The following MGAT4C variants were observed in gnomAD, a reference collection of about 807,000 sequenced individuals.
MGAT4C encodes MGAT4 family member C.
In MGAT4C, 19 loss-of-function variants were observed where a neutral mutation model predicts 40.1. That is an observed-to-expected ratio of 0.47 (90% confidence interval 0.33 to 0.70). The LOEUF (loss-of-function observed/expected upper bound fraction) is 0.70. MGAT4C is among the 30% of genes least tolerant of loss of function. The probability of loss-of-function intolerance (pLI) is 0.02; values close to 1 mark genes in which losing one functional copy is unlikely to be tolerated. For synonymous variants in MGAT4C, 181 were observed against 187.1 expected (o/e 0.97, Z 0.27); for missense variants, 491 against 563.2 (o/e 0.87, Z 1.30).
upstream of MGAT4C, among the ~76,000 whole-genome samples, chr12:86,261,268 A>T (rs1000414914): frequency 3.3e-5 from 5 of 152,130 alleles, no homozygotes; most frequent in East Asian, 9.6e-4. Context: ...ACTTCTATTC[A>T]TTCAATAGAC....
chr12:86,173,685 T>C lies in MGAT4C; in HGVS notation c.-57+82554A>G, dbSNP rs889397705. 4.6e-5 allele frequency among the ~76,000 whole-genome samples: 7 copies of C among 152,242 alleles called. No individual in the cohort carries two copies. In the South Asian group the frequency reaches 6.2e-4, roughly 14 times the overall value. ...GTTATTCATTTGATAGGGAAATATA[T>C]AGTTTAACAAAATTTTACATAAATG... On this transcript the variant is annotated intron_variant, in intron 1 of 4. Coordinates refer to ENST00000611864, the MANE Select transcript of MGAT4C (RefSeq NM_001351288.2).
chr12:86,603,274 T>C (rs1961854055), intron 2 of MGAT4C, among the ~76,000 whole-genome samples: 1 of 142,362 alleles, frequency 7.0e-6, no homozygotes, highest in South Asian at 2.1e-4. Flanking sequence ...TATAATATAA[T>C]TATAATTAAT....
rs528595373 is a variant in MGAT4C at position 86,590,103 on chromosome 12, C to A, written c.-229+137106G>T. Among the ~76,000 whole-genome samples the A allele has an allele frequency of 1.1e-3, 169 of 151,682 alleles. 1 individual carries two copies. Among genetic ancestry groups the A allele is most frequent in the African/African-American group, 3.9e-3 (161 of 41,410 alleles). ...AGGAGTACAGCTGTGTGAATTAAAA[C>A]AAAACAAAACAAAACAAAACAGTAA... On this transcript the variant is annotated intron_variant, in intron 2 of 7. Transcript: ENST00000548651.
At chr12:85,997,791 G>T (rs1187272236) in intron 2 of MGAT4C, among the ~76,000 whole-genome samples, 1 of 152,214 alleles carries the variant, frequency 6.6e-6, no homozygotes, top group Non-Finnish European at 1.5e-5. Context: ...CCTTCAGGCT[G>T]CCTTCATGGG....
intron 2 of MGAT4C, among the ~76,000 whole-genome samples, chr12:86,499,321 AAT>A (rs895440424): frequency 6.6e-6 from 1 of 151,526 alleles, no homozygotes; most frequent in African/African-American, 2.4e-5. Context: ...TTATATATAC[AAT>A]ATATATACAT....
intron 3 of MGAT4C, among the ~76,000 whole-genome samples, chr12:85,987,160 G>T (rs983428325): frequency 1.0e-5 from 1 of 97,640 alleles, no homozygotes; most frequent in African/African-American, 4.1e-5. Context: ...TTTTTGAGAC[G>T]GAGTCTCGCT....
chr12:86,682,608 C>G (rs1723700814), intron 2 of MGAT4C, among the ~76,000 whole-genome samples: 1 of 152,038 alleles, frequency 6.6e-6, no homozygotes, highest in South Asian at 2.1e-4. Flanking sequence ...GAAGCCCAAA[C>G]TAGGGAAAAA....
In MGAT4C at chr12:86,277,758, CT is replaced by C. The variant is rs1431146320; in HGVS notation, c.-57+56306del. 2.6e-5 allele frequency among the ~76,000 whole-genome samples: 4 copies of C among 151,936 alleles called. No homozygotes were observed. In the East Asian group the frequency reaches 7.7e-4, roughly 29 times the overall value. On this transcript the variant is annotated intron_variant, in intron 4 of 7. Transcript: ENST00000548651. The stretch of plus-strand genomic sequence containing the variant: ...TGTTCTGTTCCATTGGTCTATGTGT[CT>C]TTTTTTATGTTAGGACCATGCTGTT...
At chr12:86,524,299 C>T (rs1958843995) in intron 2 of MGAT4C, among the ~76,000 whole-genome samples, 1 of 152,164 alleles carries the variant, frequency 6.6e-6, no homozygotes, top group Non-Finnish European at 1.5e-5. Flanking sequence ...TAACAAATGT[C>T]CTCAGCATTT....
chr12:85,987,295 C>T (rs1192696748), intron 3 of MGAT4C, among the ~76,000 whole-genome samples: 1 of 150,842 alleles, frequency 6.6e-6, no homozygotes, highest in Non-Finnish European at 1.5e-5. Flanking sequence ...CGCCACTACG[C>T]CCGGCTAATT....
chr12:86,519,681 C>T (rs931358815), intron 2 of MGAT4C, among the ~76,000 whole-genome samples: 1 of 152,020 alleles, frequency 6.6e-6, no homozygotes, highest in African/African-American at 2.4e-5. Context: ...TTTAACTTAC[C>T]TATTGGCCAT....
intron 1 of MGAT4C, among the ~76,000 whole-genome samples, chr12:86,199,559 G>C (rs554322531): frequency 5.5e-4 from 83 of 151,556 alleles, no homozygotes; most frequent in African/African-American, 1.9e-3. Context: ...TCATGCCCTG[G>C]GTCTGTTGTA....
At chr12:86,341,826 C>T (rs545922197) in intron 3 of MGAT4C, among the ~76,000 whole-genome samples, 1 of 152,300 alleles carries the variant, frequency 6.6e-6, no homozygotes, top group African/African-American at 2.4e-5. Context: ...CCACACCCAC[C>T]TGAGCTCTCC....
chr12:86,138,703 T>C (rs534442179), intron 1 of MGAT4C, among the ~76,000 whole-genome samples: 2 of 149,424 alleles, frequency 1.3e-5, no homozygotes, highest in Non-Finnish European at 3.0e-5. Flanking sequence ...TATATATCCA[T>C]ATATATATAA....
Position 86,393,786 on chromosome 12 carries a change from G to GCA in MGAT4C, c.-120+41369_-120+41370dup, listed in dbSNP as rs1466920279. 3.5e-5 allele frequency among the ~76,000 whole-genome samples: 3 copies of GCA among 84,882 alleles called. No individual in the cohort carries two copies. In the East Asian group the frequency reaches 1.1e-3, roughly 31 times the overall value. 55.7% of individuals were successfully genotyped at this position (84,882 alleles called of 152,430 possible). A position where few individuals can be genotyped will look rare whatever the true frequency, so the allele number is the denominator to read the frequency against. On this transcript the variant is annotated intron_variant, in intron 3 of 7. Coordinates refer to the MGAT4C transcript ENST00000548651. ...TGTCTTTCATGGTGATTAGCCATAG[G>GCA]CATTTAATGCCTAGGAATTATGAGA...
intron 1 of MGAT4C, among the ~76,000 whole-genome samples, chr12:86,130,863 C>T (rs1035588546): frequency 6.6e-6 from 1 of 151,974 alleles, no homozygotes; most frequent in African/African-American, 2.4e-5. Flanking sequence ...TGCTGATGCA[C>T]AATACTACCT....
intron 2 of MGAT4C, among the ~76,000 whole-genome samples, chr12:85,999,579 GTGTGTATATA>G (rs1420296918): frequency 2.9e-5 from 2 of 67,834 alleles, no homozygotes; most frequent in Non-Finnish European, 7.1e-5. Context: ...GTGTGTGTGT[GTGTGTATATA>G]TATATATATA....
chr12:86,351,784 T>G (rs1955167091), intron 3 of MGAT4C, among the ~76,000 whole-genome samples: 2 of 152,038 alleles, frequency 1.3e-5, no homozygotes, highest in South Asian at 2.1e-4. Context: ...ATTAAGATCC[T>G]AACGACTATA....
chr12:86,786,571 T>G (rs1226565094), intron 1 of MGAT4C, among the ~76,000 whole-genome samples: 2 of 152,036 alleles, frequency 1.3e-5, no homozygotes, highest in African/African-American at 4.8e-5. Flanking sequence ...ACTCCAAACT[T>G]CTGCTCAAAC....
Sources: gnomAD v4.1 joint callset for allele counts (sites outside exome capture counted in the v4.1 genomes callset) on GRCh38, gnomAD v4.1.1 for gene constraint, MANE v1.5 for transcripts, NCBI Gene and HGNC (gene_info 2026-07-23, HGNC 2026-07-21) for gene names.